Variants in EIF4G1 observed in about 807,000 individuals in gnomAD.
EIF4G1 encodes EIF4-gamma.
In EIF4G1, 4 loss-of-function variants were observed where a neutral mutation model predicts 187.8. That is an observed-to-expected ratio of 0.02 (90% CI 0.01 to 0.05). The LOEUF (loss-of-function observed/expected upper bound fraction) is 0.05, where lower values mean the gene tolerates loss of function less well. EIF4G1 is among the 10% of genes least tolerant of loss of function. The pLI, the probability that EIF4G1 is intolerant of heterozygous loss-of-function variation, is 1.00. For missense variants in EIF4G1, 1,647 were observed against 2,081.1 expected, an observed-to-expected ratio of 0.79 and a Z score of 4.06; for synonymous variants, 844 against 781.4, an observed-to-expected ratio of 1.08 and a Z score of -1.34.
At chr3:184,330,784 C>T (rs1054472558) in intron 28 of EIF4G1, among the ~76,000 whole-genome samples, 7 of 151,972 alleles carry the variant, frequency 4.6e-5, no homozygotes, top group Admixed American at 2.6e-4. Flanking sequence ...CTGTGTCGCC[C>T]AGGCTGGAGT....
chr3:184,327,727 G>T, intron 25 of EIF4G1, 23 bp downstream of exon 25: 1 of 1,613,640 alleles, frequency 6.2e-7, no homozygotes, highest in Non-Finnish European at 8.5e-7. Flanking sequence ...AGCGGCGTGT[G>T]ATTGAGGAGT....
rs1553849790 is a variant in EIF4G1, at chr3:184,328,600, A to G, written c.3954-31A>G. ...CAGAAGGAGAGTGGGGACCTGGCCT[A>G]GAATGTCTTGACTTTGAATTCCCTT... On this transcript the variant is annotated intron_variant, in intron 26 of 32. Coordinates refer to ENST00000346169, the MANE Select transcript of EIF4G1 (RefSeq NM_198241.3). 3.1e-6 allele frequency: 5 copies of G among 1,613,936 alleles called. No individual in the cohort carries two copies. The East Asian group carries it at 1.1e-4, about 36-fold the overall frequency.
Position 184,325,610 on chromosome 3 carries a change from G to C in EIF4G1, c.3092G>C (p.Arg1031Pro). Residue 1031 changes from arginine (R) to proline (P), a missense_variant, in exon 20 of 33, where the codon CGT becomes CCT. This residue lies in a region of EIF4G1 where 142 missense variants were observed against 296.6 expected (regional missense o/e 0.48). Transcript: ENST00000346169. The surrounding 1 kb of genome is among the most constrained non-coding windows in gnomAD (Gnocchi z 5.2). Reference sequence around the variant, plus strand: ...CTCATGGCCAAGGGCAGTGACAAGCGTCGGGGCGGTCCTCCAGGCCCTCCC... The same window carrying C: ...CTCATGGCCAAGGGCAGTGACAAGCCTCGGGGCGGTCCTCCAGGCCCTCCC... ...QQLMAKGSDK[R>P]RGGPPGPPIS... 6.2e-7 allele frequency: 1 copy of C among 1,614,226 alleles called. No individual in the cohort carries two copies. Among genetic ancestry groups the C allele is most frequent in the Non-Finnish European group, 8.5e-7 (1 of 1,180,048 alleles).
chr3:184,324,115 C>T lies in EIF4G1; in HGVS notation c.2473-86C>T, dbSNP rs949968758. On this transcript the variant is annotated intron_variant, in intron 16 of 32. Coordinates refer to ENST00000346169, the MANE Select transcript of EIF4G1 (RefSeq NM_198241.3). ...AGGAGGCAGAGCTGGGGCCAGAGAT[C>T]TTCCTGGGTCAGGTAGTTAAAGGCT... 3.1e-5 allele frequency: 50 copies of T among 1,607,890 alleles called. 1 individual carries two copies. In the Admixed American group the frequency reaches 5.2e-4, roughly 17 times the overall value.
intron 23 of EIF4G1, 100 bp from the exon 24 acceptor site, chr3:184,327,113 CATT>C (rs1055265874): frequency 3.7e-5 from 58 of 1,565,044 alleles, no homozygotes; most frequent in Admixed American, 5.2e-5. Context: ...GGGGCATACT[CATT>C]ATGCTAAGAA....
chr3:184,319,330 G>C, intron 6 of EIF4G1: 1 of 335,652 alleles, frequency 3.0e-6, no homozygotes, highest in Non-Finnish European at 5.8e-6. Context: ...GATAGCGGGT[G>C]GGGTACACAC....
chr3:184,316,073 T>C (rs574033081), intron 3 of EIF4G1, 59 bp from the exon 4 acceptor site: 5 of 1,608,828 alleles, frequency 3.1e-6, no homozygotes, highest in African/African-American at 1.3e-5. Flanking sequence ...TTTCACCAGC[T>C]TGGGTTTCTG....
chr3:184,321,996 CAGG>C lies in EIF4G1; in HGVS notation c.1415_1417del (p.Gly472del). ...GAGGAAGAAGGAGAAGCAGGAGAAGCAGGAGAAGCTGAGAGTGAGAAAGGAGGA... is the reference window on the plus strand; with the variant it reads ...GAGGAAGAAGGAGAAGCAGGAGAAGCAGAAGCTGAGAGTGAGAAAGGAGGA... On this transcript the variant is annotated inframe_deletion, in exon 10 of 33. Transcript: ENST00000346169. 1 of 1,614,144 alleles carries C rather than the reference CAGG, an allele frequency of 6.2e-7. No individual in the cohort carries two copies. The highest frequency in any genetic ancestry group is 8.5e-7 in the Non-Finnish European group (1 of 1,179,996).
chr3:184,329,329 G>A (rs1224685549), intron 28 of EIF4G1, among the ~76,000 whole-genome samples: 3 of 152,144 alleles, frequency 2.0e-5, no homozygotes, highest in Non-Finnish European at 4.4e-5. Context: ...GAAACAAGTT[G>A]GTAGAGAAAA....
rs777995354 is a variant in EIF4G1, at chr3:184,326,862, G to C, written c.3326-19G>C. On this transcript the variant is annotated intron_variant, in intron 22 of 32. Coordinates refer to ENST00000346169, the MANE Select transcript of EIF4G1 (RefSeq NM_198241.3). ...GGAAAGGAGAAAAAGATTTTAATACGGATTTTCTGCATCCCCAGCATCAGA... is the reference window on the plus strand; with the variant it reads ...GGAAAGGAGAAAAAGATTTTAATACCGATTTTCTGCATCCCCAGCATCAGA... 23 of 1,613,706 alleles carry C rather than the reference G, an allele frequency of 1.4e-5. No homozygotes were observed. The highest frequency in any genetic ancestry group is 1.9e-5 in the Non-Finnish European group (23 of 1,179,698).
rs35629949 is a variant in EIF4G1 at position 184,327,609 on chromosome 3, C to T, written c.3685C>T (p.Pro1229Ser). The T allele has an allele frequency of 1.2e-5, 19 of 1,614,054 alleles. No individual in the cohort carries two copies. Among genetic ancestry groups the T allele is most frequent in the African/African-American group, 5.3e-5 (4 of 74,934 alleles). ...AGTGAAGCGAGAAGCTGCCCTACCCCCAGTGAGCCCCCTGAAGGCGGCTCT... is the reference window on the plus strand; with the variant it reads ...AGTGAAGCGAGAAGCTGCCCTACCCTCAGTGAGCCCCCTGAAGGCGGCTCT... The part of the protein sequence containing the change: ...DAVKREAALP[P>S]VSPLKAALSE... The change falls in exon 25 of 33, where the codon CCA becomes TCA. Residue 1229 changes from proline to serine, a missense_variant. This residue lies in a region of EIF4G1 where 543 missense variants were observed against 638.0 expected (regional missense o/e 0.85). Coordinates refer to ENST00000346169, the MANE Select transcript of EIF4G1 (RefSeq NM_198241.3).
chr3:184,325,283 G>A lies in EIF4G1; in HGVS notation c.2871G>A (p.Gln957=), dbSNP rs1724673260. 6.2e-7 allele frequency: 1 copy of A among 1,614,060 alleles called. No individual in the cohort carries two copies. Among genetic ancestry groups the A allele is most frequent in the South Asian group, 1.1e-5 (1 of 91,092 alleles). The change falls in exon 19 of 33, where the codon CAG becomes CAA. Residue 957 remains glutamine, a synonymous_variant. Transcript: ENST00000346169. This position sits in a 1 kb window ranked among gnomAD's most constrained non-coding sequence, Gnocchi z 5.2. ...DFEKAKPRMD[Q]YFNQMEKIIK... Reference sequence around the variant, plus strand: ...CTCCTTCCTAGCCCCGAATGGATCAGTATTTCAACCAGATGGAAAAAATCA... The same window carrying A: ...CTCCTTCCTAGCCCCGAATGGATCAATATTTCAACCAGATGGAAAAAATCA...
chr3:184,315,262 G>A, intron 1 of EIF4G1: 1 of 445,340 alleles, frequency 2.2e-6, no homozygotes, highest in South Asian at 1.6e-5. Flanking sequence ...GCGGCGGCAG[G>A]CCTAGCTTCT....
At chr3:184,319,514 G>A in intron 6 of EIF4G1, 175 bp from the exon 7 acceptor site, 1 of 630,674 alleles carries the variant, frequency 1.6e-6, no homozygotes, top group Non-Finnish European at 3.0e-6. Flanking sequence ...AGTTCAGACT[G>A]GTTCCCCAGC....
chr3:184,316,627 C>T (rs1490465801), intron 4 of EIF4G1: 2 of 1,313,414 alleles, frequency 1.5e-6, no homozygotes, highest in Middle Eastern at 1.9e-4. Flanking sequence ...TGGGAGGATT[C>T]TTGTCCTGTC....
intron 29 of EIF4G1, 38 bp downstream of exon 29, chr3:184,331,402 G>A (rs1726071362): frequency 6.2e-7 from 1 of 1,614,080 alleles, no homozygotes; most frequent in African/African-American, 1.3e-5. Flanking sequence ...AGCATTTGAG[G>A]CTGGCCAGTC....
At chr3:184,320,336 A>G in intron 7 of EIF4G1, 2 of 1,327,964 alleles carry the variant, frequency 1.5e-6, no homozygotes, top group Non-Finnish European at 1.9e-6. Context: ...CCTGGGCCCC[A>G]GGGTGTGCAG....
rs1409376161 is a variant in EIF4G1, at chr3:184,321,270, C to G, written c.698-12C>G. The G allele has an allele frequency of 6.2e-7, 1 of 1,614,066 alleles. No individual in the cohort carries two copies. The highest frequency in any genetic ancestry group is 1.7e-5 in the Admixed American group (1 of 60,006). On this transcript the variant is annotated splice_polypyrimidine_tract_variant and intron_variant, in intron 9 of 32. Transcript: ENST00000346169. ...TGCCTTTAGTTGCTCATTCTTCCTT[C>G]CTATGGTGCAGATGACCGGTCACAG... is the stretch of plus-strand genomic sequence containing the variant.
chr3:184,324,499 T>A, intron 17 of EIF4G1, 152 bp downstream of exon 17: 2 of 1,184,032 alleles, frequency 1.7e-6, no homozygotes, highest in Non-Finnish European at 2.4e-6. Context: ...ACAGTCTTGC[T>A]CTGTCACCCA....
Sources: gnomAD v4.1 joint callset for allele counts (sites outside exome capture counted in the v4.1 genomes callset) on GRCh38, gnomAD v4.1.1 for gene constraint, gnomAD v4.1.1 regional missense constraint, Gnocchi (gnomAD v3.1) non-coding constraint, MANE v1.5 for transcripts, NCBI Gene and HGNC (gene_info 2026-07-23, HGNC 2026-07-21) for gene names.